The following SOS2 variants were observed in gnomAD, a reference collection of about 807,000 sequenced individuals.
The protein encoded by SOS2 is SOS Ras/Rho guanine nucleotide exchange factor 2.
Under a neutral mutation model 148.2 loss-of-function variants are expected in SOS2, and 65 were observed. The ratio of observed to expected loss-of-function variants is 0.44; its 90% confidence interval spans 0.36 to 0.54. The LOEUF (loss-of-function observed/expected upper bound fraction) is 0.54, where lower values mean the gene tolerates loss of function less well. SOS2 is among the 20% of genes least tolerant of loss of function. The probability of loss-of-function intolerance (pLI) is 0.00; values close to 1 mark genes in which losing one functional copy is unlikely to be tolerated. For synonymous variants in SOS2, 539 were observed against 537.1 expected (o/e 1.00, Z -0.05); for missense variants, 1,341 against 1,590.2 (o/e 0.84, Z 2.67).
rs758230468 is a variant in SOS2 at position 50,180,550 on chromosome 14, A to C, written c.969+22T>G. The C allele has an allele frequency of 1.0e-5, 11 of 1,095,558 alleles. No homozygotes were observed. The Admixed American group carries it at 2.0e-4, about 20-fold the overall frequency. The allele number at this position is 1,095,558 out of a possible 1,614,324, so 67.9% of individuals were successfully genotyped here. On this transcript the variant is annotated intron_variant, in intron 7 of 22. Transcript: ENST00000216373. ...TGCTTTATTAAAAAAAAAAAAAAAAAAAACCTTCAATTTAAGTTTACCTGA... is the reference window on the plus strand; with the variant it reads ...TGCTTTATTAAAAAAAAAAAAAAAACAAACCTTCAATTTAAGTTTACCTGA...
chr14:50,189,935 G>A (rs1281400607), intron 4 of SOS2, among the ~76,000 whole-genome samples: 3 of 150,326 alleles, frequency 2.0e-5, no homozygotes, highest in Admixed American at 6.7e-5. Flanking sequence ...TGCAACCTCC[G>A]CCTCCCAAGT....
At chr14:50,216,349 A>C (rs1887040294) in intron 1 of SOS2, among the ~76,000 whole-genome samples, 1 of 152,082 alleles carries the variant, frequency 6.6e-6, no homozygotes, top group South Asian at 2.1e-4. Flanking sequence ...TGCCTGCCTC[A>C]GCCTCCCAAA....
intron 21 of SOS2, among the ~76,000 whole-genome samples, chr14:50,120,736 C>CTTTTTTTT (rs34012845): frequency 2.8e-5 from 3 of 107,500 alleles, no homozygotes; most frequent in Admixed American, 1.1e-4. Context: ...AATCAGAGAC[C>CTTTTTTTT]TTTTTTTTTT....
At chr14:50,184,647 C>A (rs1319572050) in intron 5 of SOS2, among the ~76,000 whole-genome samples, 3 of 151,830 alleles carry the variant, frequency 2.0e-5, no homozygotes, top group African/African-American at 7.3e-5. Context: ...CACCCACTGA[C>A]CTCTAAAAAA....
intron 1 of SOS2, among the ~76,000 whole-genome samples, chr14:50,223,600 G>T (rs1175867056): frequency 6.6e-6 from 1 of 152,074 alleles, no homozygotes; most frequent in African/African-American, 2.4e-5. Context: ...ACTTGAACCT[G>T]AGAGGTGGAG....
chr14:50,161,426 C>G, intron 9 of SOS2, 56 bp downstream of exon 9: 1 of 1,436,114 alleles, frequency 7.0e-7, no homozygotes, highest in Non-Finnish European at 9.6e-7. Context: ...GAAAACCAGG[C>G]ATCAGAGACA....
chr14:50,117,886 TGTAAAAACTAGAA>T lies in SOS2; in HGVS notation c.*445_*457del, dbSNP rs1380581066. 3.9e-5 allele frequency: 6 copies of T among 153,702 alleles called. No homozygotes were observed. Among genetic ancestry groups the T allele is most frequent in the African/African-American group, 7.2e-5 (3 of 41,490 alleles). The allele number at this position is 153,702 out of a possible 1,614,324, so 9.5% of individuals were successfully genotyped here. A position where few individuals can be genotyped will look rare whatever the true frequency, so the allele number is the denominator to read the frequency against. Reference sequence around the variant, plus strand: ...TGGTGTTATTCACAATTCTCCTAGATGTAAAAACTAGAAGTAAAAACTAGAAGATGGTCAAAGA... The same window carrying T: ...TGGTGTTATTCACAATTCTCCTAGATGTAAAAACTAGAAGATGGTCAAAGA... On this transcript the variant is annotated 3_prime_UTR_variant, in exon 23 of 23. Coordinates refer to ENST00000216373, the MANE Select transcript of SOS2 (RefSeq NM_006939.4).
intron 1 of SOS2, among the ~76,000 whole-genome samples, chr14:50,222,302 C>CA (rs1383074489): frequency 1.3e-5 from 2 of 151,930 alleles, no homozygotes; most frequent in Non-Finnish European, 2.9e-5. Context: ...GGATACACAG[C>CA]AAAAAAAGTT....
chr14:50,158,023 T>C (rs1158354925), intron 11 of SOS2, among the ~76,000 whole-genome samples: 1 of 152,128 alleles, frequency 6.6e-6, no homozygotes, highest in Non-Finnish European at 1.5e-5. Flanking sequence ...ATGAATTATG[T>C]TGTCTAGGAT....
intron 8 of SOS2, among the ~76,000 whole-genome samples, chr14:50,163,902 G>A (rs543900659): frequency 3.9e-5 from 6 of 152,190 alleles, no homozygotes; most frequent in Non-Finnish European, 7.4e-5. Context: ...ACTCTTCCAC[G>A]TGTCATTTTT....
intron 16 of SOS2, among the ~76,000 whole-genome samples, chr14:50,144,443 T>A (rs1002335373): frequency 2.6e-5 from 4 of 151,932 alleles, no homozygotes; most frequent in East Asian, 1.9e-4. Flanking sequence ...ATATATATAT[T>A]TTTTAATTTT....
rs1050609059 is a variant in SOS2 at position 50,117,215 on chromosome 14, A to C, written c.*1129T>G. On this transcript the variant is annotated 3_prime_UTR_variant, in exon 23 of 23. Coordinates refer to ENST00000216373, the MANE Select transcript of SOS2 (RefSeq NM_006939.4). ...AGTAAAAGGCCACAAACCAGTAAAT[A>C]AACAACGTGGCTTTTGGCTACTTTA... 3 of 152,226 alleles carry C rather than the reference A, an allele frequency of 2.0e-5. No individual in the cohort carries two copies. The highest frequency in any genetic ancestry group is 2.0e-4 in the Admixed American group (3 of 15,272). 9.4% of individuals were successfully genotyped at this position (152,226 alleles called of 1,614,324 possible).
chr14:50,163,775 A>G (rs1187822505), intron 8 of SOS2, among the ~76,000 whole-genome samples: 2 of 152,204 alleles, frequency 1.3e-5, no homozygotes, highest in Admixed American at 6.5e-5. Flanking sequence ...TCAAACACTT[A>G]ATTAGAACTG....
intron 13 of SOS2, among the ~76,000 whole-genome samples, chr14:50,152,300 T>C (rs1215339337): frequency 6.6e-6 from 1 of 152,176 alleles, no homozygotes; most frequent in Non-Finnish European, 1.5e-5. Context: ...TTTCTTGGGC[T>C]ATGATTCTGA....
intron 1 of SOS2, chr14:50,230,873 A>G: frequency 9.7e-7 from 1 of 1,029,036 alleles, no homozygotes; most frequent in Non-Finnish European, 1.2e-6. Context: ...GAAACTGTCT[A>G]AATACCAGCG....
chr14:50,130,193 T>TC (rs1883820396), intron 20 of SOS2, among the ~76,000 whole-genome samples, 191 bp from the exon 21 acceptor site: 1 of 152,176 alleles, frequency 6.6e-6, no homozygotes, highest in African/African-American at 2.4e-5. Context: ...ATTAAGTGGT[T>TC]CCCCCTCTAT....
intron 4 of SOS2, among the ~76,000 whole-genome samples, chr14:50,190,713 T>C (rs1429901845): frequency 6.6e-6 from 1 of 152,236 alleles, no homozygotes; most frequent in Non-Finnish European, 1.5e-5. Flanking sequence ...AGGCCATTCA[T>C]AATTTAACTC....
chr14:50,230,863 G>A (rs1887517943), intron 1 of SOS2: 2 of 1,015,384 alleles, frequency 2.0e-6, no homozygotes, highest in East Asian at 8.8e-5. Flanking sequence ...TTTTGTTTTA[G>A]AAACTGTCTA....
chr14:50,178,663 T>C (rs1312363994), intron 7 of SOS2, among the ~76,000 whole-genome samples: 1 of 14,238 alleles, frequency 7.0e-5, no homozygotes, highest in African/African-American at 2.9e-4. Flanking sequence ...TGTGTGTGTG[T>C]GTGTGTGCAT....
Sources: allele counts gnomAD v4.1 joint callset (sites outside exome capture counted in the v4.1 genomes callset), GRCh38; gene constraint gnomAD v4.1.1; transcripts MANE v1.5; gene names NCBI Gene and HGNC (gene_info 2026-07-23, HGNC 2026-07-21).